The following MAD1L1 variants were observed in gnomAD, a reference collection of about 807,000 sequenced individuals.
The protein encoded by MAD1L1 is mitotic spindle assembly checkpoint protein MAD1.
A neutral mutation model predicts 96.9 loss-of-function variants in MAD1L1; 95 were observed. That is an observed-to-expected ratio of 0.98 (90% CI 0.83 to 1.16). The LOEUF (loss-of-function observed/expected upper bound fraction) is 1.16, where lower values mean the gene tolerates loss of function less well. MAD1L1 is among the 50% of genes most tolerant of loss of function. The pLI is 0.00. For missense variants in MAD1L1, 1,007 were observed against 954.4 expected, an observed-to-expected ratio of 1.06 and a Z score of -0.73; for synonymous variants, 473 against 396.6, an observed-to-expected ratio of 1.19 and a Z score of -2.29.
chr7:2,182,026 T>A (rs1034055384), intron 10 of MAD1L1, among the ~76,000 whole-genome samples: 3 of 152,144 alleles, frequency 2.0e-5, no homozygotes, highest in African/African-American at 7.2e-5. Flanking sequence ...CTGGGGACAG[T>A]GTACACTGCT....
chr7:2,060,622 T>G (rs956950060), intron 12 of MAD1L1, among the ~76,000 whole-genome samples: 5 of 151,492 alleles, frequency 3.3e-5, no homozygotes, highest in Admixed American at 1.3e-4. Flanking sequence ...CGTAAACAAA[T>G]AAAAAAAGAG....
Position 1,965,854 on chromosome 7 carries a change from A to G in MAD1L1, c.1506-8135T>C, listed in dbSNP as rs187639531. On this transcript the variant is annotated intron_variant, in intron 15 of 18. Coordinates refer to ENST00000265854, the MANE Select transcript of MAD1L1 (RefSeq NM_001013836.2). The stretch of plus-strand genomic sequence containing the variant: ...GCAAAGTGCAACAGACGGTGCGAAG[A>G]GAGCCCCACGTCCCTGGAGGACCAC... Among the ~76,000 whole-genome samples the G allele has an allele frequency of 1.4e-3, 219 of 152,390 alleles. 1 individual carries two copies. Among genetic ancestry groups the G allele is most frequent in the African/African-American group, 5.2e-3 (215 of 41,600 alleles).
At chr7:2,112,159 G>A (rs957870414) in intron 11 of MAD1L1, among the ~76,000 whole-genome samples, 3 of 152,144 alleles carry the variant, frequency 2.0e-5, no homozygotes, top group Admixed American at 2.0e-4. Context: ...ATGACGTTCT[G>A]GAAAAGGCAA....
intron 11 of MAD1L1, among the ~76,000 whole-genome samples, chr7:2,106,391 G>A (rs2128553845): frequency 6.6e-6 from 1 of 151,502 alleles, no homozygotes; most frequent in African/African-American, 2.4e-5. Context: ...CATCCCTGGA[G>A]ACGGCCATGG....
At chr7:2,130,239 T>C (rs926016759) in intron 11 of MAD1L1, among the ~76,000 whole-genome samples, 4 of 152,294 alleles carry the variant, frequency 2.6e-5, no homozygotes, top group Admixed American at 2.6e-4. Context: ...CCAGCAGCAT[T>C]CAGGTGCCTC....
chr7:1,884,281 C>T (rs1785874518), intron 18 of MAD1L1, among the ~76,000 whole-genome samples: 1 of 152,236 alleles, frequency 6.6e-6, no homozygotes, highest in Non-Finnish European at 1.5e-5. Context: ...GAGCATGCCC[C>T]TGGCCACCCA....
At chr7:1,824,210 C>A (rs542843242) in intron 18 of MAD1L1, among the ~76,000 whole-genome samples, 10 of 152,284 alleles carry the variant, frequency 6.6e-5, no homozygotes, top group African/African-American at 2.4e-4. Context: ...CCGGCCCCAA[C>A]GCCTCCCCTC....
At position 1,865,980 on chromosome 7, in the gene MAD1L1, G is replaced by C. The variant is rs114740378; in HGVS notation, c.1998+32220C>G. 4.2e-3 allele frequency among the ~76,000 whole-genome samples: 638 copies of C among 152,386 alleles called. 6 individuals carry two copies. Among genetic ancestry groups the C allele is most frequent in the African/African-American group, 0.015 (605 of 41,596 alleles). ...CGCAATGGGCCAGGCAGACAGCCGT[G>C]ATGCGCCCCAGGGGAGGGTGGGGTG... On this transcript the variant is annotated intron_variant, in intron 18 of 18. Coordinates refer to ENST00000265854, the MANE Select transcript of MAD1L1 (RefSeq NM_001013836.2).
At chr7:1,859,199 C>G (rs1260033047) in intron 18 of MAD1L1, among the ~76,000 whole-genome samples, 1 of 152,228 alleles carries the variant, frequency 6.6e-6, no homozygotes, top group African/African-American at 2.4e-5. Flanking sequence ...CTGCCTCCCC[C>G]TGGTGTGAAG....
At chr7:2,183,705 G>C (rs986483822) in intron 10 of MAD1L1, among the ~76,000 whole-genome samples, 17 of 151,408 alleles carry the variant, frequency 1.1e-4, no homozygotes, top group East Asian at 7.8e-4. Flanking sequence ...TGAACAATGA[G>C]AACACATGGA....
chr7:2,222,450 C>T (rs2115010109), intron 5 of MAD1L1, 125 bp downstream of exon 5: 1 of 783,098 alleles, frequency 1.3e-6, no homozygotes, highest in Non-Finnish European at 1.9e-6. Flanking sequence ...CAACTATGTA[C>T]AAAACGCAGC....
intron 14 of MAD1L1, among the ~76,000 whole-genome samples, chr7:1,983,125 C>A (rs969536819): frequency 2.8e-5 from 4 of 143,284 alleles, no homozygotes; most frequent in Non-Finnish European, 6.1e-5. Context: ...CGCACACACA[C>A]CCACAGACGC....
chr7:1,927,566 T>C (rs1789162108), intron 17 of MAD1L1, among the ~76,000 whole-genome samples: 1 of 152,112 alleles, frequency 6.6e-6, no homozygotes, highest in Admixed American at 6.5e-5. Context: ...TGGACAAAGG[T>C]GCAAACATAA....
At chr7:1,862,630 G>A (rs1052598317) in intron 18 of MAD1L1, among the ~76,000 whole-genome samples, 2 of 152,246 alleles carry the variant, frequency 1.3e-5, no homozygotes, top group African/African-American at 2.4e-5. Context: ...GGCCCTGGCC[G>A]GTCCAGCAAG....
chr7:1,898,271 T>C lies in MAD1L1; in HGVS notation c.1927A>G (p.Ile643Val). 1 of 1,614,128 alleles carries C rather than the reference T, an allele frequency of 6.2e-7. No homozygotes were observed. The highest frequency in any genetic ancestry group is 8.5e-7 in the Non-Finnish European group (1 of 1,180,020). The change falls in exon 18 of 19, where the codon ATC becomes GTC. Residue 643 changes from isoleucine to valine, a missense_variant. Coordinates refer to ENST00000265854, the MANE Select transcript of MAD1L1 (RefSeq NM_001013836.2). ...AGCCGGTACTGGTTCTCCGTGGTGA[T>C]GTCGATCTGGTAGCCGGTGAGCGTG... Reference protein sequence around the residue: ...CYTLTGYQIDITTENQYRLTS... With the variant: ...CYTLTGYQIDVTTENQYRLTS...
At chr7:1,964,932 C>T (rs893277640) in intron 15 of MAD1L1, among the ~76,000 whole-genome samples, 1 of 152,224 alleles carries the variant, frequency 6.6e-6, no homozygotes, top group African/African-American at 2.4e-5. Context: ...AACGGGCAGA[C>T]AGCATCCAGT....
In MAD1L1 at chr7:2,034,719, G is replaced by A. The variant is rs28539348; in HGVS notation, c.1219-20077C>T. 3.2e-3 allele frequency among the ~76,000 whole-genome samples: 484 copies of A among 152,344 alleles called. 17 individuals carry two copies. In the East Asian group the frequency reaches 0.086, roughly 27 times the overall value. ...CCTGCGCACGTGGGTGTCCGTGAGT[G>A]CTTACTGGTTGGCTGATAGATTGGC... On this transcript the variant is annotated intron_variant, in intron 12 of 18. Coordinates refer to ENST00000265854, the MANE Select transcript of MAD1L1 (RefSeq NM_001013836.2).
chr7:2,229,734 C>T (rs528269811), intron 3 of MAD1L1, among the ~76,000 whole-genome samples: 89 of 152,370 alleles, frequency 5.8e-4, no homozygotes, highest in African/African-American at 1.9e-3. Flanking sequence ...TGTGTGAACG[C>T]AATGCTGAGC....
intron 18 of MAD1L1, among the ~76,000 whole-genome samples, chr7:1,819,691 CAAGAGGCACGGA>C (rs1032027223): frequency 1.3e-5 from 2 of 151,900 alleles, no homozygotes; most frequent in African/African-American, 2.4e-5. Context: ...CGGGCACGGA[CAAGAGGCACGGA>C]GTGAGGGAGG....
Sources: allele counts gnomAD v4.1 joint callset (sites outside exome capture counted in the v4.1 genomes callset), GRCh38; gene constraint gnomAD v4.1.1; transcripts MANE v1.5; gene names NCBI Gene and HGNC (gene_info 2026-07-23, HGNC 2026-07-21).